Variants in COL7A1 observed in about 807,000 individuals in gnomAD.
COL7A1 encodes the protein collagen alpha-1(VII) chain.
COL7A1 carries 296 observed loss-of-function variants against 456.2 expected under a neutral mutation model. The observed-to-expected ratio is 0.65, with a 90% CI of 0.59 to 0.71. The LOEUF (loss-of-function observed/expected upper bound fraction) is 0.71, where lower values mean the gene tolerates loss of function less well. Among genes scored for constraint, COL7A1 ranks in the 30% least tolerant of loss-of-function variants. The pLI, the probability that COL7A1 is intolerant of heterozygous loss-of-function variation, is 0.00. For synonymous variants in COL7A1, 1,464 were observed against 1,525.9 expected (o/e 0.96, Z 0.95); for missense variants, 3,441 against 4,017.2 (o/e 0.86, Z 3.88).
In COL7A1 at chr3:48,579,758, T is replaced by C; in HGVS notation, c.5154+27A>G. On this transcript the variant is annotated intron_variant, in intron 58 of 118. Transcript: ENST00000681320. This position sits in a 1 kb window ranked among gnomAD's most constrained non-coding sequence, Gnocchi z 4.4. Reference sequence around the variant, plus strand: ...GCTGGGAGGGGCACTGGGGTCTTTCTTACCCTCCACCCACAGACCCTAATA... The same window carrying C: ...GCTGGGAGGGGCACTGGGGTCTTTCCTACCCTCCACCCACAGACCCTAATA... The C allele has an allele frequency of 6.2e-7, 1 of 1,614,010 alleles. No homozygotes were observed. Among genetic ancestry groups the C allele is most frequent in the Non-Finnish European group, 8.5e-7 (1 of 1,180,012 alleles).
chr3:48,566,218 CCTAGGGTG>C lies in COL7A1; in HGVS notation c.8407+41_8407+48del. On this transcript the variant is annotated intron_variant, in intron 114 of 118. Transcript: ENST00000681320. This position sits in a 1 kb window ranked among gnomAD's most constrained non-coding sequence, Gnocchi z 5.9. ...AGTTCTAGGGGCCTGCCTGCCCTTG[CCTAGGGTG>C]CTGGGGTGGAGTGGGAGACTGCGGG... The C allele has an allele frequency of 6.4e-7, 1 of 1,572,132 alleles. No homozygotes were observed. The highest frequency in any genetic ancestry group is 8.6e-7 in the Non-Finnish European group (1 of 1,158,284).
Position 48,592,429 on chromosome 3 carries a change from T to C in COL7A1, c.1015A>G (p.Thr339Ala), listed in dbSNP as rs1234394177. ...EGPELTIQNT[T>A]AHSLLVAWRS... ...CAGGCCACCAGGAGGCTGTGGGCTG[T>C]GGTATTCTGGATGGTCAGTTCCGGC... The change falls in exon 9 of 119, where the codon ACA becomes GCA. Residue 339 changes from threonine (T) to alanine (A), a missense_variant. By Grantham distance (58) the Thr-to-Ala change is moderately conservative. Transcript: ENST00000681320. The surrounding 1 kb of genome is among the most constrained non-coding windows in gnomAD (Gnocchi z 7.6). 6.2e-7 allele frequency: 1 copy of C among 1,613,104 alleles called. No homozygotes were observed. Among genetic ancestry groups the C allele is most frequent in the Non-Finnish European group, 8.5e-7 (1 of 1,179,942 alleles).
rs1435414524 is a variant in COL7A1 at position 48,589,508 on chromosome 3, ACT to A, written c.2171-40_2171-39del. On this transcript the variant is annotated intron_variant, in intron 17 of 118. Coordinates refer to ENST00000681320, the MANE Select transcript of COL7A1 (RefSeq NM_000094.4). Reference sequence around the variant, plus strand: ...ATGGAGGCAGCTCCAGGGCTAGCAAACTCTGTGCCCCAGAGCCCCACCTGGAC... The same window carrying A: ...ATGGAGGCAGCTCCAGGGCTAGCAAACTGTGCCCCAGAGCCCCACCTGGAC... 2.5e-6 allele frequency: 4 copies of A among 1,612,964 alleles called. No individual in the cohort carries two copies. In the South Asian group the frequency reaches 4.4e-5, roughly 18 times the overall value.
At position 48,569,841 on chromosome 3, in the gene COL7A1, AC is replaced by A. The variant is rs760429587; in HGVS notation, c.7521+38del. On this transcript the variant is annotated intron_variant, in intron 100 of 118. Coordinates refer to ENST00000681320, the MANE Select transcript of COL7A1 (RefSeq NM_000094.4). This position sits in a 1 kb window ranked among gnomAD's most constrained non-coding sequence, Gnocchi z 4.9. ...TTCTAATATCATACAAGATCCACTC[AC>A]CCCCCCACTCATGCCAGGACCTTCC... The A allele has an allele frequency of 3.1e-5, 50 of 1,613,040 alleles. No individual in the cohort carries two copies. Among genetic ancestry groups the A allele is most frequent in the African/African-American group, 6.7e-5 (5 of 74,662 alleles).
In COL7A1 at chr3:48,594,557, G is replaced by A. The variant is rs747336903; in HGVS notation, c.86-9C>T. 1.9e-6 allele frequency: 3 copies of A among 1,576,200 alleles called. No homozygotes were observed. The highest frequency in any genetic ancestry group is 4.7e-5 in the East Asian group (2 of 42,690). ...AAGGCGCGTGCAGGTCACTGGGGCGGGCAGGAGAGATCAGGGCCTCTTCTG... is the reference window on the plus strand; with the variant it reads ...AAGGCGCGTGCAGGTCACTGGGGCGAGCAGGAGAGATCAGGGCCTCTTCTG... On this transcript the variant is annotated splice_polypyrimidine_tract_variant and intron_variant, in intron 2 of 118. Transcript: ENST00000681320. The surrounding 1 kb of genome is among the most constrained non-coding windows in gnomAD (Gnocchi z 5.5).
Position 48,594,681 on chromosome 3 carries a change from C to A in COL7A1, c.86-133G>T. ...TTATGCAAACCAGGGCCGAATCGGC[C>A]TGAGCCTGAGGGCCTTGGAGGGAGT... On this transcript the variant is annotated intron_variant, in intron 2 of 118. Transcript: ENST00000681320. This position sits in a 1 kb window ranked among gnomAD's most constrained non-coding sequence, Gnocchi z 5.5. 8.9e-7 allele frequency: 1 copy of A among 1,123,970 alleles called. No individual in the cohort carries two copies. Among genetic ancestry groups the A allele is most frequent in the Non-Finnish European group, 1.3e-6 (1 of 791,376 alleles). 69.6% of individuals were successfully genotyped at this position (1,123,970 alleles called of 1,614,324 possible).
Position 48,570,729 on chromosome 3 carries a change from A to G in COL7A1, c.7273-19T>C. 6.4e-7 allele frequency: 1 copy of G among 1,568,110 alleles called. No homozygotes were observed. Among genetic ancestry groups the G allele is most frequent in the Non-Finnish European group, 8.7e-7 (1 of 1,155,450 alleles). ...CCAGACCCTACCAGAAAAATGGGGC[A>G]AGAGAGGCAGAGAGTGACTTGGGAA... On this transcript the variant is annotated intron_variant, in intron 95 of 118. Coordinates refer to ENST00000681320, the MANE Select transcript of COL7A1 (RefSeq NM_000094.4). The surrounding 1 kb of genome is among the most constrained non-coding windows in gnomAD (Gnocchi z 5.5).
rs1263839905 is a variant in COL7A1, at chr3:48,570,962, G to A, written c.7171C>T (p.Leu2391=). The change falls in exon 95 of 119, where the codon CTG becomes TTG. Residue 2391 remains leucine (L), a synonymous_variant. Coordinates refer to ENST00000681320, the MANE Select transcript of COL7A1 (RefSeq NM_000094.4). The surrounding 1 kb of genome is among the most constrained non-coding windows in gnomAD (Gnocchi z 5.5). The stretch of plus-strand genomic sequence containing the variant: ...GCACCGGGCAGGCCAGGGAGGCCCA[G>A]ATCTCCCTGAAATAAAAACAGCAAA... ...PPGPPGVKGD[L]GLPGLPGAPG... The A allele has an allele frequency of 6.2e-7, 1 of 1,613,480 alleles. No homozygotes were observed. Among genetic ancestry groups the A allele is most frequent in the Middle Eastern group, 1.6e-4 (1 of 6,062 alleles).
chr3:48,592,287 A>G lies in COL7A1; in HGVS notation c.1094-39T>C. 6.2e-7 allele frequency: 1 copy of G among 1,613,550 alleles called. No individual in the cohort carries two copies. The highest frequency in any genetic ancestry group is 8.5e-7 in the Non-Finnish European group (1 of 1,179,954). ...ACCAAGGGGCCAGTGGGCCTTGCAG[A>G]CTCAGGACTCTACAGCCTTGTCTGA... On this transcript the variant is annotated intron_variant, in intron 9 of 118. Transcript: ENST00000681320. This position sits in a 1 kb window ranked among gnomAD's most constrained non-coding sequence, Gnocchi z 7.6.
At position 48,564,352 on chromosome 3, in the gene COL7A1, G is replaced by C; in HGVS notation, c.*54C>G. The C allele has an allele frequency of 6.2e-7, 1 of 1,604,894 alleles. No individual in the cohort carries two copies. Among genetic ancestry groups the C allele is most frequent in the Non-Finnish European group, 8.5e-7 (1 of 1,171,978 alleles). On this transcript the variant is annotated 3_prime_UTR_variant, in exon 119 of 119. Coordinates refer to ENST00000681320, the MANE Select transcript of COL7A1 (RefSeq NM_000094.4). This position sits in a 1 kb window ranked among gnomAD's most constrained non-coding sequence, Gnocchi z 6.0. The stretch of plus-strand genomic sequence containing the variant: ...CCAAGGGGAGGGACAGTGGGGTTCT[G>C]CTGAGACCCCGACTCCTCCAGGGGA...
intron 65 of COL7A1, among the ~76,000 whole-genome samples, chr3:48,577,299 T>G (rs567730194): frequency 5.1e-4 from 78 of 152,332 alleles, no homozygotes; most frequent in Non-Finnish European, 1.1e-3. Context: ...CATCTCTGGG[T>G]TGGTGATCGT....
Position 48,572,858 on chromosome 3 carries a change from A to C in COL7A1, c.6831+4T>G. 1 of 1,613,934 alleles carries C rather than the reference A, an allele frequency of 6.2e-7. No homozygotes were observed. Among genetic ancestry groups the C allele is most frequent in the Non-Finnish European group, 8.5e-7 (1 of 1,179,952 alleles). On this transcript the variant is annotated splice_donor_region_variant and intron_variant, in intron 87 of 118. Coordinates refer to ENST00000681320, the MANE Select transcript of COL7A1 (RefSeq NM_000094.4). This position sits in a 1 kb window ranked among gnomAD's most constrained non-coding sequence, Gnocchi z 4.6. ...CCCTAGCGAGCTGCCCCCAGAACACATACTGGCACACCAGGGCTCCCTCTG... is the reference window on the plus strand; with the variant it reads ...CCCTAGCGAGCTGCCCCCAGAACACCTACTGGCACACCAGGGCTCCCTCTG...
rs981787346 is a variant in COL7A1 at position 48,568,961 on chromosome 3, G to A, written c.7687-106C>T. 18 of 1,107,384 alleles carry A rather than the reference G, an allele frequency of 1.6e-5. No individual in the cohort carries two copies. Among genetic ancestry groups the A allele is most frequent in the East Asian group, 2.6e-5 (1 of 38,888 alleles). The allele number at this position is 1,107,384 out of a possible 1,614,324, so 68.6% of individuals were successfully genotyped here. On this transcript the variant is annotated intron_variant, in intron 103 of 118. Transcript: ENST00000681320. This position sits in a 1 kb window ranked among gnomAD's most constrained non-coding sequence, Gnocchi z 5.2. Reference sequence around the variant, plus strand: ...GGCAGAGCTCAAGTCACTCCCGAACGGCCCTAGCAGCACGTCCTCCCAGCC... The same window carrying A: ...GGCAGAGCTCAAGTCACTCCCGAACAGCCCTAGCAGCACGTCCTCCCAGCC...
chr3:48,566,393 A>G lies in COL7A1; in HGVS notation c.8359-78T>C. 1.9e-6 allele frequency: 3 copies of G among 1,605,078 alleles called. No individual in the cohort carries two copies. Among genetic ancestry groups the G allele is most frequent in the Non-Finnish European group, 2.6e-6 (3 of 1,173,386 alleles). ...ACATAGGGCACATAATACAGGGACT[A>G]TGGTGAGACTGCATGGAGCCAGGGC... On this transcript the variant is annotated intron_variant, in intron 113 of 118. Transcript: ENST00000681320. The surrounding 1 kb of genome is among the most constrained non-coding windows in gnomAD (Gnocchi z 5.9).
At position 48,594,605 on chromosome 3, in the gene COL7A1, C is replaced by T. The variant is rs533523514; in HGVS notation, c.86-57G>A. 1.2e-5 allele frequency: 19 copies of T among 1,523,570 alleles called. No homozygotes were observed. Among genetic ancestry groups the T allele is most frequent in the Middle Eastern group, 2.3e-4 (1 of 4,332 alleles). 94.4% of individuals were successfully genotyped at this position (1,523,570 alleles called of 1,614,324 possible). On this transcript the variant is annotated intron_variant, in intron 2 of 118. Coordinates refer to ENST00000681320, the MANE Select transcript of COL7A1 (RefSeq NM_000094.4). The surrounding 1 kb of genome is among the most constrained non-coding windows in gnomAD (Gnocchi z 5.5). The stretch of plus-strand genomic sequence containing the variant: ...CTGGGAGGCCAACCACCCGCCTACC[C>T]GCACGGTGGCCTCACTGGGACTTGG...
rs768838978 is a variant in COL7A1, at chr3:48,575,753, G to A, written c.5857-5C>T. The A allele has an allele frequency of 1.2e-6, 2 of 1,613,952 alleles. No individual in the cohort carries two copies. Among genetic ancestry groups the A allele is most frequent in the African/African-American group, 2.7e-5 (2 of 74,932 alleles). On this transcript the variant is annotated splice_polypyrimidine_tract_variant and splice_region_variant and intron_variant, in intron 72 of 118. Transcript: ENST00000681320. This position sits in a 1 kb window ranked among gnomAD's most constrained non-coding sequence, Gnocchi z 6.3. ...GATCTCCCGCAGGGCAGATGCCTGA[G>A]GGACAGCAAGAGGTCAGAGGAGCGG...
chr3:48,568,174 G>C lies in COL7A1; in HGVS notation c.7795-4C>G, dbSNP rs765509289. On this transcript the variant is annotated splice_polypyrimidine_tract_variant and splice_region_variant and intron_variant, in intron 105 of 118. Coordinates refer to ENST00000681320, the MANE Select transcript of COL7A1 (RefSeq NM_000094.4). This position sits in a 1 kb window ranked among gnomAD's most constrained non-coding sequence, Gnocchi z 5.2. ...CTCCATCCTTTCCTGGGGATCCCTA[G>C]CAGGGAGAGGGTCCATGTGAGGTCA... 6.2e-7 allele frequency: 1 copy of C among 1,612,638 alleles called. No homozygotes were observed. Among genetic ancestry groups the C allele is most frequent in the South Asian group, 1.1e-5 (1 of 91,080 alleles).
rs1029796816 is a variant in COL7A1 at position 48,574,359 on chromosome 3, C to T, written c.6457-53G>A. On this transcript the variant is annotated intron_variant, in intron 79 of 118. Transcript: ENST00000681320. This position sits in a 1 kb window ranked among gnomAD's most constrained non-coding sequence, Gnocchi z 5.0. Reference sequence around the variant, plus strand: ...TTTCCCAGTTCCAACTTCCCCTCCACCCACCATCCCCCTAGACAGAGTCAG... The same window carrying T: ...TTTCCCAGTTCCAACTTCCCCTCCATCCACCATCCCCCTAGACAGAGTCAG... 6.2e-7 allele frequency: 1 copy of T among 1,613,638 alleles called. No individual in the cohort carries two copies. Among genetic ancestry groups the T allele is most frequent in the Non-Finnish European group, 8.5e-7 (1 of 1,179,534 alleles).
Position 48,569,802 on chromosome 3 carries a change from G to A in COL7A1, c.7522-42C>T, listed in dbSNP as rs1386987137. The A allele has an allele frequency of 1.2e-6, 2 of 1,614,134 alleles. No homozygotes were observed. Among genetic ancestry groups the A allele is most frequent in the Non-Finnish European group, 1.7e-6 (2 of 1,180,012 alleles). ...TGTGAGTCCCGCCCAAACTGGGGAG[G>A]CCCCGCACCTGAATTCTAATATCAT... On this transcript the variant is annotated intron_variant, in intron 100 of 118. Coordinates refer to ENST00000681320, the MANE Select transcript of COL7A1 (RefSeq NM_000094.4). The surrounding 1 kb of genome is among the most constrained non-coding windows in gnomAD (Gnocchi z 4.9).
Sources: gnomAD v4.1 joint callset for allele counts (sites outside exome capture counted in the v4.1 genomes callset) on GRCh38, gnomAD v4.1.1 for gene constraint, Gnocchi (gnomAD v3.1) non-coding constraint, MANE v1.5 for transcripts, NCBI Gene and HGNC (gene_info 2026-07-23, HGNC 2026-07-21) for gene names.